DDX19B: variants seen among roughly 807,000 people sequenced by gnomAD.
DDX19B encodes ATP-dependent RNA helicase DDX19B.
DDX19B carries 27 observed loss-of-function variants against 58.1 expected under a neutral mutation model. That is an observed-to-expected ratio of 0.46 (90% CI 0.34 to 0.64). The LOEUF (loss-of-function observed/expected upper bound fraction) is 0.64, where lower values mean the gene tolerates loss of function less well. DDX19B is among the 30% of genes least tolerant of loss of function. The probability of loss-of-function intolerance (pLI) is 0.01; values close to 1 mark genes in which losing one functional copy is unlikely to be tolerated. For synonymous variants in DDX19B, 187 were observed against 214.4 expected, an observed-to-expected ratio of 0.87 and a Z score of 1.12; for missense variants, 399 against 596.5, an observed-to-expected ratio of 0.67 and a Z score of 3.45.
intron 1 of DDX19B, among the ~76,000 whole-genome samples, chr16:70,302,485 TATATATA>T (rs1961539267): frequency 6.6e-6 from 1 of 152,188 alleles, no homozygotes; most frequent in Non-Finnish European, 1.5e-5. Flanking sequence ...AATGGAATCA[TATATATA>T]ATATATAACC....
At chr16:70,324,780 A>C (rs964506473) in intron 6 of DDX19B, 93 bp downstream of exon 6, 6 of 1,249,284 alleles carry the variant, frequency 4.8e-6, no homozygotes, top group Non-Finnish European at 6.7e-6. Context: ...GGCTGGGTGC[A>C]GTGGCTCATG....
chr16:70,333,370 C>T (rs1963581921), intron 11 of DDX19B, 151 bp from the exon 12 acceptor site: 2 of 1,316,032 alleles, frequency 1.5e-6, no homozygotes, highest in Admixed American at 2.3e-5. Flanking sequence ...GGCTTCGGGG[C>T]GTGGGGCTCT....
upstream of DDX19B, among the ~76,000 whole-genome samples, chr16:70,290,616 T>G (rs966592125): frequency 5.3e-5 from 8 of 152,306 alleles, no homozygotes; most frequent in Non-Finnish European, 1.0e-4. Flanking sequence ...GGAGGATCAC[T>G]TGAGCCTAGG....
At chr16:70,295,537 A>G (rs996220703), upstream of DDX19B, among the ~76,000 whole-genome samples, 1 of 152,056 alleles carries the variant, frequency 6.6e-6, no homozygotes, top group Non-Finnish European at 1.5e-5. Context: ...CACATGCTAA[A>G]ATCGTGTACG....
rs943386824 is a variant in DDX19B at position 70,318,476 on chromosome 16, G to T, written c.389+888G>T. Among the ~76,000 whole-genome samples the T allele has an allele frequency of 2.0e-5, 3 of 151,884 alleles. No homozygotes were observed. The South Asian group carries it at 6.2e-4, about 31-fold the overall frequency. On this transcript the variant is annotated intron_variant, in intron 5 of 11. Coordinates refer to ENST00000288071, the MANE Select transcript of DDX19B (RefSeq NM_007242.7). ...TGGAGACTTCTAGACTTTTCTCTAT[G>T]TAAACATATAACTTTTAAAAAAGTT...
upstream of DDX19B, among the ~76,000 whole-genome samples, chr16:70,290,934 T>A (rs968159839): frequency 2.6e-5 from 4 of 152,102 alleles, no homozygotes; most frequent in East Asian, 3.8e-4. Context: ...ATCTGATATA[T>A]CCAAATACAC....
intron 5 of DDX19B, among the ~76,000 whole-genome samples, chr16:70,321,601 G>A (rs1962818925): frequency 6.6e-6 from 1 of 152,160 alleles, no homozygotes; most frequent in African/African-American, 2.4e-5. Flanking sequence ...AGGAGCTTAT[G>A]TTCTAGTTTG....
At chr16:70,293,881 G>C (rs913101847), upstream of DDX19B, among the ~76,000 whole-genome samples, 3 of 151,256 alleles carry the variant, frequency 2.0e-5, no homozygotes, top group Admixed American at 2.0e-4. Flanking sequence ...AAAGTGCTGG[G>C]ATTACAGGCG....
intron 1 of DDX19B, among the ~76,000 whole-genome samples, chr16:70,299,683 G>T (rs1358665342): frequency 1.3e-5 from 2 of 152,168 alleles, no homozygotes; most frequent in Non-Finnish European, 2.9e-5. Flanking sequence ...GCCCAGGCTA[G>T]TCTGGAACTC....
At chr16:70,314,421 G>C (rs1177996275) in intron 2 of DDX19B, among the ~76,000 whole-genome samples, 1 of 152,144 alleles carries the variant, frequency 6.6e-6, no homozygotes, top group East Asian at 1.9e-4. Flanking sequence ...CCAGCACTTT[G>C]GGAGGCCAAG....
At chr16:70,296,378 C>G (rs1343722786), upstream of DDX19B, among the ~76,000 whole-genome samples, 1 of 151,844 alleles carries the variant, frequency 6.6e-6, no homozygotes, top group Non-Finnish European at 1.5e-5. Context: ...CTCAGGCGAT[C>G]CTCCAACCTC....
In DDX19B at chr16:70,326,426, G is replaced by C. The variant is rs185898625; in HGVS notation, c.607+738G>C. On this transcript the variant is annotated intron_variant, in intron 7 of 11. Transcript: ENST00000288071. Reference sequence around the variant, plus strand: ...TGGGAGGCAGAGCTAGCAGTGAGCTGAAATAGCGCCACTGCACTCGAGCCT... The same window carrying C: ...TGGGAGGCAGAGCTAGCAGTGAGCTCAAATAGCGCCACTGCACTCGAGCCT... Among the ~76,000 whole-genome samples, 109 of 152,332 alleles carry C rather than the reference G, an allele frequency of 7.2e-4. 1 individual carries two copies. The highest frequency in any genetic ancestry group is 2.4e-3 in the African/African-American group (100 of 41,592).
rs555552171 is a variant in DDX19B, at chr16:70,303,339, G to C, written c.57+3985G>C. Among the ~76,000 whole-genome samples, 3 of 152,140 alleles carry C rather than the reference G, an allele frequency of 2.0e-5. No individual in the cohort carries two copies. In the South Asian group the frequency reaches 6.2e-4, roughly 32 times the overall value. On this transcript the variant is annotated intron_variant, in intron 1 of 11. Transcript: ENST00000288071. ...ATGTATGTATTTTTTGTAGAGACAG[G>C]GTTTTGCCATGTTGCCCAGGCTGGT...
At chr16:70,314,453 G>GAGATCAAGACCAA (rs943006531) in intron 2 of DDX19B, among the ~76,000 whole-genome samples, 1 of 152,084 alleles carries the variant, frequency 6.6e-6, no homozygotes, top group Non-Finnish European at 1.5e-5. Flanking sequence ...ACGAGGTCAA[G>GAGATCAAGACCAA]AGATCAAGAC....
chr16:70,331,621 G>A, intron 9 of DDX19B, 101 bp from the exon 10 acceptor site: 1 of 1,441,798 alleles, frequency 6.9e-7, no homozygotes, highest in Non-Finnish European at 9.3e-7. Context: ...GGATTTAGCA[G>A]GGCCTTCATG....
chr16:70,317,726 C>A, intron 5 of DDX19B, 138 bp downstream of exon 5: 1 of 612,840 alleles, frequency 1.6e-6, no homozygotes, highest in Non-Finnish European at 2.6e-6. Context: ...TCGTTTCAGG[C>A]CAGGAGTTCA....
intron 7 of DDX19B, among the ~76,000 whole-genome samples, chr16:70,326,109 T>C (rs1963127745): frequency 6.6e-6 from 1 of 152,222 alleles, no homozygotes; most frequent in African/African-American, 2.4e-5. Context: ...AATCTAGAAT[T>C]GTACCCCTAC....
rs1417433059 is a variant in DDX19B, at chr16:70,299,505, ACGCAGCCGCCTCCGCGTTACGTAAG to A, written c.57+157_57+181del. The A allele has an allele frequency of 8.5e-6, 8 of 940,566 alleles. No homozygotes were observed. In the African/African-American group the frequency reaches 1.4e-4, roughly 16 times the overall value. The allele number at this position is 940,566 out of a possible 1,614,324, so 58.3% of individuals were successfully genotyped here. A position where few individuals can be genotyped will look rare whatever the true frequency, so the allele number is the denominator to read the frequency against. ...CCTGGACCCTGAGCTGGCTTTGTTT[ACGCAGCCGCCTCCGCGTTACGTAAG>A]CGCAGGTGAGTGCTCCTATCGGTAA... On this transcript the variant is annotated intron_variant, in intron 1 of 11. Coordinates refer to ENST00000288071, the MANE Select transcript of DDX19B (RefSeq NM_007242.7).
chr16:70,329,732 C>T (rs913264402), intron 8 of DDX19B, 99 bp from the exon 9 acceptor site: 39 of 1,519,284 alleles, frequency 2.6e-5, no homozygotes, highest in Non-Finnish European at 3.4e-5. Context: ...CCTCTCCCAT[C>T]AGCCTTCCTG....
Sources: allele counts gnomAD v4.1 joint callset (sites outside exome capture counted in the v4.1 genomes callset), GRCh38; gene constraint gnomAD v4.1.1; transcripts MANE v1.5; gene names NCBI Gene and HGNC (gene_info 2026-07-23, HGNC 2026-07-21).